The following NEGR1 variants were observed in gnomAD, a reference collection of about 807,000 sequenced individuals.
The protein encoded by NEGR1 is IgLON family member 4.
NEGR1 carries 10 observed loss-of-function variants against 40.9 expected under a neutral mutation model. The ratio of observed to expected loss-of-function variants is 0.24; its 90% CI spans 0.15 to 0.42. The LOEUF (loss-of-function observed/expected upper bound fraction) is 0.42. NEGR1 is among the 10% of genes least tolerant of loss of function. The pLI, the probability that NEGR1 is intolerant of heterozygous loss-of-function variation, is 1.00. For synonymous variants in NEGR1, 185 were observed against 166.8 expected, an observed-to-expected ratio of 1.11 and a Z score of -0.84; for missense variants, 352 against 438.9, an observed-to-expected ratio of 0.80 and a Z score of 1.77.
rs373508717 is a variant in NEGR1 at position 71,870,532 on chromosome 1, A to C, written c.409+64547T>G. 1.6e-4 allele frequency among the ~76,000 whole-genome samples: 25 copies of C among 152,288 alleles called. No homozygotes were observed. In the East Asian group the frequency reaches 2.9e-3, roughly 18 times the overall value. On this transcript the variant is annotated intron_variant, in intron 2 of 6. Coordinates refer to ENST00000357731, the MANE Select transcript of NEGR1 (RefSeq NM_173808.3). ...ACATTAAAAAACTGGCCTGTATTAA[A>C]TTTATACTTTACTTGCACTACAATT...
chr1:71,410,984 T>C (rs2101262340), intron 6 of NEGR1, among the ~76,000 whole-genome samples: 1 of 152,276 alleles, frequency 6.6e-6, no homozygotes, highest in African/African-American at 2.4e-5. Flanking sequence ...TCCCCTGTAT[T>C]ACTTAGTAAC....
At chr1:71,943,964 C>T (rs1645995310) in intron 1 of NEGR1, among the ~76,000 whole-genome samples, 1 of 152,108 alleles carries the variant, frequency 6.6e-6, no homozygotes, top group African/African-American at 2.4e-5. Context: ...AAAGGTGTTA[C>T]AAATTTGAGT....
chr1:71,433,552 T>G (rs1213357872), intron 6 of NEGR1, among the ~76,000 whole-genome samples: 1 of 152,174 alleles, frequency 6.6e-6, no homozygotes, highest in Non-Finnish European at 1.5e-5. Context: ...TTCGGAATCA[T>G]GGCAGGAGGT....
At chr1:71,665,914 T>A (rs1481933443) in intron 4 of NEGR1, among the ~76,000 whole-genome samples, 2 of 152,160 alleles carry the variant, frequency 1.3e-5, no homozygotes, top group Non-Finnish European at 2.9e-5. Flanking sequence ...GCCTACAAGA[T>A]AAAGTCAAAA....
intron 4 of NEGR1, among the ~76,000 whole-genome samples, chr1:71,633,696 C>G (rs1651049462): frequency 6.6e-6 from 1 of 152,108 alleles, no homozygotes; most frequent in Non-Finnish European, 1.5e-5. Context: ...AGAAGAACAA[C>G]TGGTATTTGC....
At chr1:71,585,158 A>T (rs1327411079) in intron 6 of NEGR1, among the ~76,000 whole-genome samples, 1 of 152,186 alleles carries the variant, frequency 6.6e-6, no homozygotes, top group Non-Finnish European at 1.5e-5. Context: ...AATAACAAAA[A>T]TATACAGAAG....
intron 1 of NEGR1, among the ~76,000 whole-genome samples, chr1:72,180,805 A>G (rs544735437): frequency 6.6e-6 from 1 of 152,136 alleles, no homozygotes; most frequent in African/African-American, 2.4e-5. Flanking sequence ...ATGTTATAAG[A>G]GCCCTAGGGT....
intron 1 of NEGR1, among the ~76,000 whole-genome samples, chr1:72,114,652 C>T (rs1231698303): frequency 1.3e-5 from 2 of 151,712 alleles, no homozygotes; most frequent in South Asian, 2.1e-4. Context: ...AAAATAGATG[C>T]TTTGCTTGGA....
intron 4 of NEGR1, among the ~76,000 whole-genome samples, chr1:71,647,995 T>G (rs912481041): frequency 6.6e-6 from 1 of 151,938 alleles, no homozygotes; most frequent in Non-Finnish European, 1.5e-5. Flanking sequence ...ATATATATAG[T>G]GAAAAGCAAT....
intron 3 of NEGR1, among the ~76,000 whole-genome samples, chr1:71,743,075 C>T (rs989058094): frequency 2.6e-5 from 4 of 152,244 alleles, no homozygotes; most frequent in Non-Finnish European, 5.9e-5. Flanking sequence ...GGGAAGAGGG[C>T]CCTCACCAGG....
At chr1:72,072,288 T>A (rs1267546746) in intron 1 of NEGR1, among the ~76,000 whole-genome samples, 2 of 152,096 alleles carry the variant, frequency 1.3e-5, no homozygotes, top group Admixed American at 6.6e-5. Context: ...TCACCAGATG[T>A]TTGAATATGG....
At chr1:71,612,940 C>T (rs1429433724) in intron 4 of NEGR1, among the ~76,000 whole-genome samples, 1 of 152,138 alleles carries the variant, frequency 6.6e-6, no homozygotes, top group Non-Finnish European at 1.5e-5. Flanking sequence ...CAAAGAGAAA[C>T]AAAGGATGGA....
chr1:71,940,152 T>A (rs1307645859), intron 1 of NEGR1, among the ~76,000 whole-genome samples: 1 of 152,096 alleles, frequency 6.6e-6, no homozygotes, highest in Non-Finnish European at 1.5e-5. Context: ...ATTCAGATCT[T>A]TTTTCTTTGG....
chr1:71,864,619 T>G (rs1320522443), intron 2 of NEGR1, among the ~76,000 whole-genome samples: 1 of 152,034 alleles, frequency 6.6e-6, no homozygotes, highest in Non-Finnish European at 1.5e-5. Context: ...CAAAGCACCT[T>G]CATCTGACAG....
chr1:71,811,568 TATTTA>T (rs1177686877), intron 2 of NEGR1, among the ~76,000 whole-genome samples: 1 of 151,320 alleles, frequency 6.6e-6, no homozygotes, highest in Admixed American at 6.6e-5. Context: ...TACTTACTTA[TATTTA>T]ATTTACTTAT....
chr1:72,260,400 T>A (rs1279567568), intron 1 of NEGR1, among the ~76,000 whole-genome samples: 1 of 152,088 alleles, frequency 6.6e-6, no homozygotes, highest in South Asian at 2.1e-4. Flanking sequence ...GTAAACAACA[T>A]AAAATAATTT....
rs535675643 is a variant in NEGR1 at position 72,176,233 on chromosome 1, T to A, written c.176+106086A>T. ...ATTTTGTATGTTGATTTTTCTTACC[T>A]CAGAGGATGTCACAAACTTTTCTCT... On this transcript the variant is annotated intron_variant, in intron 1 of 6. Transcript: ENST00000357731. 4.8e-4 allele frequency among the ~76,000 whole-genome samples: 73 copies of A among 152,240 alleles called. 1 individual carries two copies. The highest frequency in any genetic ancestry group is 1.6e-3 in the Admixed American group (25 of 15,276).
chr1:72,019,411 G>GA (rs1427625525), intron 1 of NEGR1, among the ~76,000 whole-genome samples: 1 of 152,006 alleles, frequency 6.6e-6, no homozygotes, highest in African/African-American at 2.4e-5. Flanking sequence ...AATAGTGACA[G>GA]AAAAAAACAG....
chr1:71,709,484 A>C (rs920730793), intron 3 of NEGR1, among the ~76,000 whole-genome samples: 6 of 152,088 alleles, frequency 3.9e-5, no homozygotes, highest in Admixed American at 6.6e-5. Context: ...ACTGAGCTAT[A>C]GTAACCAAAA....
Sources: allele counts gnomAD v4.1 joint callset (sites outside exome capture counted in the v4.1 genomes callset), GRCh38; gene constraint gnomAD v4.1.1; transcripts MANE v1.5; gene names NCBI Gene and HGNC (gene_info 2026-07-23, HGNC 2026-07-21).